RXFP1: variants seen among roughly 807,000 people sequenced by gnomAD.
RXFP1 encodes the protein relaxin family peptide receptor 1, also known as relaxin receptor 1.
Under a neutral mutation model 89.8 loss-of-function variants are expected in RXFP1, and 73 were observed. That is an observed-to-expected ratio of 0.81 (90% CI 0.67 to 0.99). RXFP1 has a LOEUF of 0.99. Ranked by LOEUF, RXFP1 falls within the 50% of genes least tolerant of loss-of-function variation. The probability of loss-of-function intolerance (pLI) is 0.00; values close to 1 mark genes in which losing one functional copy is unlikely to be tolerated. For missense variants in RXFP1, 793 were observed against 895.5 expected, an observed-to-expected ratio of 0.89 and a Z score of 1.46; for synonymous variants, 277 against 305.5, an observed-to-expected ratio of 0.91 and a Z score of 0.97.
intron 9 of RXFP1, among the ~76,000 whole-genome samples, chr4:158,626,117 TAGATAGA>T (rs1580172196): frequency 1.9e-5 from 1 of 54,030 alleles, no homozygotes; most frequent in East Asian, 4.2e-4. Flanking sequence ...TCTATATAGA[TAGATAGA>T]TAGATAGATA....
intron 1 of RXFP1, among the ~76,000 whole-genome samples, chr4:158,543,058 G>T (rs1381121300): frequency 2.0e-5 from 3 of 152,122 alleles, no homozygotes; most frequent in Non-Finnish European, 4.4e-5. Flanking sequence ...AAACCCCCAT[G>T]ACATGAGTTT....
intron 9 of RXFP1, among the ~76,000 whole-genome samples, chr4:158,623,604 C>G: frequency 6.6e-6 from 1 of 151,150 alleles, no homozygotes; most frequent in Non-Finnish European, 1.5e-5. Context: ...TAAGTTAATG[C>G]TAATCAGTGT....
chr4:158,532,249 G>T (rs1364007075), intron 1 of RXFP1, among the ~76,000 whole-genome samples: 5 of 152,094 alleles, frequency 3.3e-5, no homozygotes, highest in African/African-American at 1.2e-4. Flanking sequence ...CTGCATCCCT[G>T]TTGCTGCAAA....
At chr4:158,601,490 A>C (rs935461029) in intron 4 of RXFP1, among the ~76,000 whole-genome samples, 1 of 152,128 alleles carries the variant, frequency 6.6e-6, no homozygotes, top group African/African-American at 2.4e-5. Flanking sequence ...GGTATTTTTT[A>C]TTTTTTGTTC....
At chr4:158,572,348 C>T (rs1755265155) in intron 1 of RXFP1, among the ~76,000 whole-genome samples, 1 of 152,160 alleles carries the variant, frequency 6.6e-6, no homozygotes, top group African/African-American at 2.4e-5. Flanking sequence ...AGTAAGAATA[C>T]AACAAATTCC....
chr4:158,630,121 G>A (rs1035308086), intron 11 of RXFP1, among the ~76,000 whole-genome samples: 1 of 152,134 alleles, frequency 6.6e-6, no homozygotes, highest in Non-Finnish European at 1.5e-5. Context: ...CTAGGTAGAG[G>A]GAATACATGT....
At chr4:158,545,546 T>A (rs1748091819) in intron 1 of RXFP1, among the ~76,000 whole-genome samples, 1 of 152,194 alleles carries the variant, frequency 6.6e-6, no homozygotes, top group African/African-American at 2.4e-5. Context: ...CTGAATGGTA[T>A]TGCCTAGGTT....
rs1554019506 is a variant in RXFP1 at position 158,626,144 on chromosome 4, A to ATAGATAGATAGT, written c.756-665_756-664insTTAGATAGATAG. On this transcript the variant is annotated intron_variant, in intron 9 of 17. Transcript: ENST00000307765. ...GATAGATAGATAGATAGATAGATAGATAGATAGATAGATAGATAGATAGAT... is the reference window on the plus strand; with the variant it reads ...GATAGATAGATAGATAGATAGATAGATAGATAGATAGTTAGATAGATAGATAGATAGATAGAT... 6.2e-3 allele frequency among the ~76,000 whole-genome samples: 923 copies of ATAGATAGATAGT among 148,820 alleles called. 8 individuals are homozygous for ATAGATAGATAGT. The highest frequency in any genetic ancestry group is 8.5e-3 in the Non-Finnish European group (575 of 67,340).
chr4:158,573,917 G>A (rs1036779648), intron 2 of RXFP1, among the ~76,000 whole-genome samples: 7 of 152,136 alleles, frequency 4.6e-5, no homozygotes, highest in Non-Finnish European at 1.0e-4. Flanking sequence ...CTTTTGGGAC[G>A]AAAAGTGAGT....
rs1761264869 is a variant in RXFP1, at chr4:158,599,440, A to G, written c.392+9A>G. 1 of 1,610,058 alleles carries G rather than the reference A, an allele frequency of 6.2e-7. No homozygotes were observed. The highest frequency in any genetic ancestry group is 8.5e-7 in the Non-Finnish European group (1 of 1,177,290). On this transcript the variant is annotated intron_variant, in intron 4 of 17. Transcript: ENST00000307765. ...TCAAATGTGACTGCAATGTAAGTAG[A>G]AAAGAATTACTTCATCCTGACAGCT... is the stretch of plus-strand genomic sequence containing the variant.
At chr4:158,604,380 C>A (rs1762210664) in intron 4 of RXFP1, among the ~76,000 whole-genome samples, 2 of 152,158 alleles carry the variant, frequency 1.3e-5, no homozygotes, top group Admixed American at 1.3e-4. Flanking sequence ...GGATCCCCAG[C>A]TACACTGGTT....
intron 2 of RXFP1, 78 bp from the exon 3 acceptor site, chr4:158,593,323 A>C (rs1012920232): frequency 2.5e-6 from 2 of 794,030 alleles, no homozygotes; most frequent in African/African-American, 3.5e-5. Flanking sequence ...ACTGTTTTAA[A>C]GAGAGGACCT....
At chr4:158,545,812 T>A (rs1748190245) in intron 1 of RXFP1, among the ~76,000 whole-genome samples, 1 of 152,200 alleles carries the variant, frequency 6.6e-6, no homozygotes, top group Non-Finnish European at 1.5e-5. Flanking sequence ...GATCTATATC[T>A]CTGTTTTGGT....
intron 1 of RXFP1, among the ~76,000 whole-genome samples, chr4:158,569,228 G>T (rs555169795): frequency 5.9e-5 from 9 of 152,176 alleles, no homozygotes; most frequent in Admixed American, 6.5e-5. Flanking sequence ...GCTACCTACT[G>T]CATGATTCCA....
chr4:158,647,333 A>G (rs1771764654), intron 16 of RXFP1, 132 bp downstream of exon 16: 3 of 692,026 alleles, frequency 4.3e-6, no homozygotes, highest in Non-Finnish European at 7.0e-6. Flanking sequence ...ATACTCTGAT[A>G]TAAATTCCAA....
chr4:158,627,444 T>C (rs1324021257), intron 10 of RXFP1, among the ~76,000 whole-genome samples: 4 of 151,960 alleles, frequency 2.6e-5, no homozygotes, highest in Non-Finnish European at 5.9e-5. Flanking sequence ...CAGAATTTAA[T>C]TGAATAGATT....
At chr4:158,636,510 C>A (rs1226410856) in intron 12 of RXFP1, among the ~76,000 whole-genome samples, 1 of 152,104 alleles carries the variant, frequency 6.6e-6, no homozygotes, top group Non-Finnish European at 1.5e-5. Flanking sequence ...CTATCACTAC[C>A]GTAATCACAG....
intron 1 of RXFP1, among the ~76,000 whole-genome samples, chr4:158,543,353 T>A (rs1217669236): frequency 6.6e-6 from 1 of 152,202 alleles, no homozygotes; most frequent in Non-Finnish European, 1.5e-5. Context: ...AAGCTGGATT[T>A]TCCTCCAGTT....
chr4:158,617,426 A>ATATATAT, intron 9 of RXFP1, among the ~76,000 whole-genome samples: 1 of 149,246 alleles, frequency 6.7e-6, no homozygotes, highest in African/African-American at 2.5e-5. Context: ...TCTCAAAAAA[A>ATATATAT]ATATATATAT....
Sources: allele counts gnomAD v4.1 joint callset (sites outside exome capture counted in the v4.1 genomes callset), GRCh38; gene constraint gnomAD v4.1.1; transcripts MANE v1.5; gene names NCBI Gene and HGNC (gene_info 2026-07-23, HGNC 2026-07-21).